Variants in LHFPL6 observed in about 807,000 individuals in gnomAD.
LHFPL6 encodes the protein LHFPL tetraspan subfamily member 6.
Under a neutral mutation model 20.6 loss-of-function variants are expected in LHFPL6, and 9 were observed. The observed-to-expected ratio is 0.44, with a 90% CI of 0.26 to 0.76. The LOEUF is 0.76. Among genes scored for constraint, LHFPL6 ranks in the 30% least tolerant of loss-of-function variants. LHFPL6 has a pLI of 0.20. For missense variants in LHFPL6, 218 were observed against 253.5 expected, an observed-to-expected ratio of 0.86 and a Z score of 0.95; for synonymous variants, 105 against 98.7, an observed-to-expected ratio of 1.06 and a Z score of -0.38.
chr13:39,451,884 T>C (rs1462180248), intron 2 of LHFPL6, among the ~76,000 whole-genome samples: 4 of 152,098 alleles, frequency 2.6e-5, no homozygotes, highest in African/African-American at 7.2e-5. Flanking sequence ...CTAAGCATAG[T>C]AATAAAACTA....
intron 2 of LHFPL6, among the ~76,000 whole-genome samples, chr13:39,384,304 G>A (rs906102124): frequency 6.6e-6 from 1 of 152,186 alleles, no homozygotes; most frequent in East Asian, 1.9e-4. Context: ...GTTAGGAAAT[G>A]TAACAGGCTA....
At chr13:39,471,709 T>C (rs1566119101) in intron 2 of LHFPL6, among the ~76,000 whole-genome samples, 2 of 152,242 alleles carry the variant, frequency 1.3e-5, no homozygotes, top group Non-Finnish European at 2.9e-5. Context: ...ACATGTATCA[T>C]GTGTATCATT....
intron 2 of LHFPL6, among the ~76,000 whole-genome samples, chr13:39,544,277 T>C (rs17060207): frequency 0.41 from 61,898 of 152,044 alleles, 12,804 homozygotes; most frequent in Admixed American, 0.5. Context: ...CTAGTACATT[T>C]TGCCGCTATA....
intron 3 of LHFPL6, among the ~76,000 whole-genome samples, chr13:39,376,513 G>A (rs1870297447): frequency 6.6e-6 from 1 of 152,180 alleles, no homozygotes; most frequent in Non-Finnish European, 1.5e-5. Context: ...AGAAGAGCCA[G>A]TATTATATTC....
chr13:39,540,954 T>C (rs1870777875), intron 2 of LHFPL6, among the ~76,000 whole-genome samples: 1 of 152,150 alleles, frequency 6.6e-6, no homozygotes, highest in Admixed American at 6.6e-5. Context: ...GAAGAGAAGT[T>C]TAAAATGAAA....
At chr13:39,446,687 AT>A (rs56017552) in intron 2 of LHFPL6, among the ~76,000 whole-genome samples, 67,667 of 151,806 alleles carry the variant, frequency 0.45, 15,835 homozygotes, top group East Asian at 0.83. Context: ...AGTAAACCAT[AT>A]TGCCCAAAGT....
At chr13:39,346,215 C>A (rs1244442043) in intron 3 of LHFPL6, among the ~76,000 whole-genome samples, 1 of 152,192 alleles carries the variant, frequency 6.6e-6, no homozygotes, top group East Asian at 1.9e-4. Flanking sequence ...CTTGTGGTCA[C>A]CATGAGTCAA....
chr13:39,573,517 G>A (rs1872003024), intron 2 of LHFPL6, among the ~76,000 whole-genome samples: 1 of 152,094 alleles, frequency 6.6e-6, no homozygotes, highest in Admixed American at 6.6e-5. Context: ...CTCCACCTAA[G>A]GAAAAGCAGC....
At chr13:39,545,592 G>C (rs527751495) in intron 2 of LHFPL6, among the ~76,000 whole-genome samples, 1 of 152,140 alleles carries the variant, frequency 6.6e-6, no homozygotes, top group East Asian at 1.9e-4. Context: ...TGGGGGATTG[G>C]TTACAGGATC....
chr13:39,384,203 C>A (rs1308247891), intron 2 of LHFPL6, among the ~76,000 whole-genome samples: 2 of 152,176 alleles, frequency 1.3e-5, no homozygotes, highest in African/African-American at 2.4e-5. Context: ...TCTCGAAGCA[C>A]AATTTATGCT....
At position 39,544,714 on chromosome 13, in the gene LHFPL6, C is replaced by G. The variant is rs148965298; in HGVS notation, c.385+56118G>C. Among the ~76,000 whole-genome samples the G allele has an allele frequency of 1.6e-4, 25 of 151,834 alleles. No individual in the cohort carries two copies. The East Asian group carries it at 4.4e-3, about 27-fold the overall frequency. ...GAAGGACAAAGAAACCTACAAGAAT[C>G]TGGTAAAAGTAGACATACTAAAATA... On this transcript the variant is annotated intron_variant, in intron 2 of 3. Transcript: ENST00000379589.
At chr13:39,542,060 C>T (rs1487446077) in intron 2 of LHFPL6, among the ~76,000 whole-genome samples, 1 of 150,486 alleles carries the variant, frequency 6.6e-6, no homozygotes, top group Non-Finnish European at 1.5e-5. Flanking sequence ...CACTGCACTC[C>T]AGCCTGGGCA....
At chr13:39,429,559 C>A (rs1449533407) in intron 2 of LHFPL6, among the ~76,000 whole-genome samples, 2 of 152,106 alleles carry the variant, frequency 1.3e-5, no homozygotes, top group Non-Finnish European at 2.9e-5. Context: ...TACAATCTGA[C>A]AATCTTTGCC....
At position 39,601,017 on chromosome 13, in the gene LHFPL6, T is replaced by C. The variant is rs1872925851; in HGVS notation, c.200A>G (p.Glu67Gly). 3.1e-6 allele frequency: 5 copies of C among 1,613,900 alleles called. No homozygotes were observed. The highest frequency in any genetic ancestry group is 2.7e-5 in the African/African-American group (2 of 74,854). ...CTGGAAGGAGGCATAGCGCCCACAT[T>C]CCTCCACCATCACCATCATCTGCCG... ...ESRQMMVMVE[E>G]CGRYASFQGI... is the part of the protein sequence containing the mutation. Residue 67 changes from glutamate to glycine, a missense_variant, in exon 2 of 4, where the codon GAA (glutamate) becomes GGA (glycine). Coordinates refer to ENST00000379589, the MANE Select transcript of LHFPL6 (RefSeq NM_005780.3).
chr13:39,600,670 A>G (rs2138557312), intron 2 of LHFPL6, among the ~76,000 whole-genome samples, 162 bp downstream of exon 2: 1 of 152,372 alleles, frequency 6.6e-6, no homozygotes. Context: ...CAATTCTGAC[A>G]ATAATCTTGA....
chr13:39,576,311 G>A (rs1435196722), intron 2 of LHFPL6, among the ~76,000 whole-genome samples: 1 of 152,178 alleles, frequency 6.6e-6, no homozygotes, highest in Non-Finnish European at 1.5e-5. Flanking sequence ...GGTTGGTAGA[G>A]TTTACTGCTT....
chr13:39,551,986 T>G (rs1042174377), intron 2 of LHFPL6, among the ~76,000 whole-genome samples: 1 of 152,222 alleles, frequency 6.6e-6, no homozygotes, highest in Non-Finnish European at 1.5e-5. Context: ...CTTGGCTAAC[T>G]TCCTTAATTA....
Position 39,433,782 on chromosome 13 carries a change from A to G in LHFPL6, c.386-55256T>C, listed in dbSNP as rs527802755. Among the ~76,000 whole-genome samples the G allele has an allele frequency of 7.2e-5, 11 of 152,358 alleles. No individual in the cohort carries two copies. In the East Asian group the frequency reaches 1.7e-3, roughly 24 times the overall value. ...TGGCAAGAAAATTCTTATTCAGCCT[A>G]AAAGTATAAGAATTCCTATCCATCC... On this transcript the variant is annotated intron_variant, in intron 2 of 3. Transcript: ENST00000379589.
At chr13:39,471,889 A>T (rs1224767420) in intron 2 of LHFPL6, among the ~76,000 whole-genome samples, 1 of 152,228 alleles carries the variant, frequency 6.6e-6, no homozygotes, top group Non-Finnish European at 1.5e-5. Flanking sequence ...ACAAAAAAGG[A>T]ATTCACCCTA....
Sources: allele counts gnomAD v4.1 joint callset (sites outside exome capture counted in the v4.1 genomes callset), GRCh38; gene constraint gnomAD v4.1.1; transcripts MANE v1.5; gene names NCBI Gene and HGNC (gene_info 2026-07-23, HGNC 2026-07-21).